Variants in ACYP2 observed in about 807,000 individuals in gnomAD.
The protein encoded by ACYP2 is acylphosphatase 2.
ACYP2 carries 12 observed loss-of-function variants against 11.2 expected under a neutral mutation model. The observed-to-expected ratio is 1.08, with a 90% CI of 0.69 to 1.74. The LOEUF is 1.74. Ranked by LOEUF, ACYP2 falls within the 40% of genes most tolerant of loss-of-function variation. ACYP2 has a pLI of 0.00. For synonymous variants in ACYP2, 43 were observed against 32.2 expected (o/e 1.33, Z -1.13); for missense variants, 134 against 101.9 (o/e 1.31, Z -1.35).
chr2:54,263,677 T>C (rs923774909), intron 6 of ACYP2, among the ~76,000 whole-genome samples: 1 of 152,216 alleles, frequency 6.6e-6, no homozygotes, highest in African/African-American at 2.4e-5. Context: ...TGGAGGAGTA[T>C]AGAGTTGCTC....
At chr2:54,133,226 A>G (rs758983001) in intron 4 of ACYP2, among the ~76,000 whole-genome samples, 6 of 152,198 alleles carry the variant, frequency 3.9e-5, no homozygotes, top group Non-Finnish European at 8.8e-5. Context: ...AAGTGGAGTT[A>G]CACAGTATGT....
chr2:53,979,770 TG>T (rs1188474078), intron 2 of ACYP2, among the ~76,000 whole-genome samples: 1 of 151,990 alleles, frequency 6.6e-6, no homozygotes, highest in Non-Finnish European at 1.5e-5. Flanking sequence ...GGCGTGATCT[TG>T]GCTCCCTGCT....
chr2:54,149,909 G>A (rs1682067494), intron 6 of ACYP2, among the ~76,000 whole-genome samples: 1 of 152,298 alleles, frequency 6.6e-6, no homozygotes. Flanking sequence ...CTTCCTTCAA[G>A]TATTTGAAGG....
At chr2:54,271,816 T>G (rs1381733027) in intron 6 of ACYP2, among the ~76,000 whole-genome samples, 1 of 152,146 alleles carries the variant, frequency 6.6e-6, no homozygotes, top group Non-Finnish European at 1.5e-5. Context: ...ATCCCCTAAT[T>G]ATAGTGAATT....
chr2:53,997,839 T>C (rs1233475179), intron 2 of ACYP2, among the ~76,000 whole-genome samples: 1 of 151,998 alleles, frequency 6.6e-6, no homozygotes, highest in Non-Finnish European at 1.5e-5. Context: ...CATTGGGAAA[T>C]GAAAAAACAC....
chr2:54,235,380 G>A (rs938144630), intron 6 of ACYP2, among the ~76,000 whole-genome samples: 9 of 151,868 alleles, frequency 5.9e-5, no homozygotes, highest in South Asian at 2.1e-4. Flanking sequence ...ATGGAGTCTC[G>A]CTCTGTCACC....
intron 4 of ACYP2, among the ~76,000 whole-genome samples, chr2:54,126,003 C>A (rs1236391809): frequency 1.3e-5 from 2 of 152,066 alleles, no homozygotes; most frequent in African/African-American, 4.8e-5. Flanking sequence ...ATTGCTTGAA[C>A]CTGGGAGAAG....
intron 2 of ACYP2, among the ~76,000 whole-genome samples, chr2:54,035,214 A>G (rs1028713892): frequency 6.7e-6 from 1 of 149,806 alleles, no homozygotes; most frequent in Non-Finnish European, 1.5e-5. Flanking sequence ...CACTTCTCCT[A>G]CTTTTTAGAC....
chr2:54,281,463 G>C (rs1391884467), intron 6 of ACYP2, among the ~76,000 whole-genome samples: 1 of 152,158 alleles, frequency 6.6e-6, no homozygotes, highest in African/African-American at 2.4e-5. Context: ...ATGATACCCA[G>C]GACAGGTAAA....
chr2:54,007,255 CTT>C (rs35008364), intron 2 of ACYP2, among the ~76,000 whole-genome samples: 20 of 120,712 alleles, frequency 1.7e-4, no homozygotes, highest in South Asian at 5.8e-4. Context: ...CATGGTTTTT[CTT>C]TTTTTTTTTT....
chr2:54,062,709 A>G (rs551649331), intron 4 of ACYP2, among the ~76,000 whole-genome samples: 8 of 152,376 alleles, frequency 5.3e-5, no homozygotes, highest in Admixed American at 3.3e-4. Context: ...TGTATACCAT[A>G]GAATGAGCTC....
chr2:54,213,037 T>C (rs955298284), intron 6 of ACYP2, among the ~76,000 whole-genome samples: 2 of 152,142 alleles, frequency 1.3e-5, no homozygotes, highest in African/African-American at 4.8e-5. Context: ...CATTATTTCA[T>C]TACTCAACTA....
chr2:53,978,908 G>T (rs1192480808), intron 2 of ACYP2, among the ~76,000 whole-genome samples: 1 of 151,618 alleles, frequency 6.6e-6, no homozygotes, highest in Non-Finnish European at 1.5e-5. Context: ...GGATGACAGA[G>T]TAAGACCTCA....
At chr2:54,110,865 G>C (rs1325166207) in intron 4 of ACYP2, among the ~76,000 whole-genome samples, 2 of 152,040 alleles carry the variant, frequency 1.3e-5, no homozygotes, top group African/African-American at 4.8e-5. Flanking sequence ...CCTGAGGAAA[G>C]GAAAGAGGAA....
chr2:54,054,461 G>A (rs145098951), intron 3 of ACYP2, among the ~76,000 whole-genome samples: 41 of 152,324 alleles, frequency 2.7e-4, no homozygotes, highest in African/African-American at 9.1e-4. Flanking sequence ...CTGACAGATT[G>A]ATCTTGTTTT....
chr2:54,000,300 G>T (rs971807309), intron 2 of ACYP2, among the ~76,000 whole-genome samples: 3 of 152,080 alleles, frequency 2.0e-5, no homozygotes, highest in Non-Finnish European at 4.4e-5. Flanking sequence ...GTTAATTGGT[G>T]TTGCCAAATA....
At chr2:54,261,297 T>G (rs1223783080) in intron 6 of ACYP2, among the ~76,000 whole-genome samples, 1 of 151,754 alleles carries the variant, frequency 6.6e-6, no homozygotes, top group Non-Finnish European at 1.5e-5. Context: ...GCTATAATTT[T>G]TTTTTCCTAA....
intron 2 of ACYP2, among the ~76,000 whole-genome samples, chr2:54,016,155 G>T (rs963468887): frequency 2.0e-4 from 30 of 151,676 alleles, no homozygotes; most frequent in African/African-American, 6.8e-4. Flanking sequence ...TATGCTCATG[G>T]TCTTTGCTTT....
At chr2:54,080,160 T>A (rs997347454) in intron 4 of ACYP2, 2 of 185,206 alleles carry the variant, frequency 1.1e-5, no homozygotes, top group Non-Finnish European at 1.2e-5. Flanking sequence ...TTTAGAAATG[T>A]CCCTAACAAC....
Sources: gnomAD v4.1 joint callset for allele counts (sites outside exome capture counted in the v4.1 genomes callset) on GRCh38, gnomAD v4.1.1 for gene constraint, MANE v1.5 for transcripts, NCBI Gene and HGNC (gene_info 2026-07-23, HGNC 2026-07-21) for gene names.